The following NEK7 variants were observed in gnomAD, a reference collection of about 807,000 sequenced individuals.
The protein encoded by NEK7 is NIMA related kinase 7.
A neutral mutation model predicts 44.6 loss-of-function variants in NEK7; 18 were observed. The ratio of observed to expected loss-of-function variants is 0.40; its 90% CI spans 0.28 to 0.60. The LOEUF (loss-of-function observed/expected upper bound fraction) is 0.60, where lower values mean the gene tolerates loss of function less well. Among genes scored for constraint, NEK7 ranks in the 20% least tolerant of loss-of-function variants. NEK7 has a pLI of 0.38. For missense variants in NEK7, 256 were observed against 366.5 expected (o/e 0.70, Z 2.46); for synonymous variants, 130 against 121.1 (o/e 1.07, Z -0.48).
At chr1:198,167,433 G>A (rs1020738826) in intron 1 of NEK7, among the ~76,000 whole-genome samples, 8 of 152,118 alleles carry the variant, frequency 5.3e-5, no homozygotes, top group African/African-American at 1.4e-4. Flanking sequence ...CATCTTATAT[G>A]ATATGCACTC....
At chr1:198,223,906 T>A (rs1666140392) in intron 1 of NEK7, among the ~76,000 whole-genome samples, 1 of 152,136 alleles carries the variant, frequency 6.6e-6, no homozygotes, top group Non-Finnish European at 1.5e-5. Flanking sequence ...AGATGACCAA[T>A]GTAAAAATCT....
At chr1:198,264,267 GT>G in intron 5 of NEK7, 32 bp downstream of exon 5, 1 of 1,490,488 alleles carries the variant, frequency 6.7e-7, no homozygotes. Context: ...TTAATGTTTT[GT>G]TTTGTTTTTT....
In NEK7 at chr1:198,292,952, G is replaced by A. The variant is rs201676070; in HGVS notation, c.597G>A (p.Thr199=). 72 of 1,563,004 alleles carry A rather than the reference G, an allele frequency of 4.6e-5. No individual in the cohort carries two copies. In the East Asian group the frequency reaches 1.1e-3, roughly 25 times the overall value. ...TGGTTTGTTTTTTTGCAGTTGGTACGCCTTATTACATGTCTCCAGAGAGAA... is the reference window on the plus strand; with the variant it reads ...TGGTTTGTTTTTTTGCAGTTGGTACACCTTATTACATGTCTCCAGAGAGAA... The part of the protein sequence containing the change: ...KTTAAHSLVG[T]PYYMSPERIH... The change falls in exon 8 of 10, where the codon ACG becomes ACA. Residue 199 remains threonine (T), a synonymous_variant. Transcript: ENST00000367385.
chr1:198,287,223 T>C (rs544675137), intron 7 of NEK7, among the ~76,000 whole-genome samples: 1 of 152,262 alleles, frequency 6.6e-6, no homozygotes, highest in African/African-American at 2.4e-5. Context: ...GGCTCACACC[T>C]GTAATCCCGG....
At chr1:198,275,383 A>G (rs946105025) in intron 5 of NEK7, among the ~76,000 whole-genome samples, 60 of 151,492 alleles carry the variant, frequency 4.0e-4, no homozygotes, top group Admixed American at 1.3e-3. Context: ...TTTCTTATAA[A>G]TATTTATATT....
chr1:198,212,952 T>C (rs1665818277), intron 1 of NEK7, among the ~76,000 whole-genome samples: 1 of 152,250 alleles, frequency 6.6e-6, no homozygotes, highest in Admixed American at 6.5e-5. Flanking sequence ...ACTTGCCCAA[T>C]ACCTTACTGT....
At chr1:198,313,644 A>G (rs1399217214) in intron 9 of NEK7, among the ~76,000 whole-genome samples, 3 of 136,754 alleles carry the variant, frequency 2.2e-5, no homozygotes, top group Non-Finnish European at 3.0e-5. Flanking sequence ...GGTGGTGACA[A>G]AATCTCTCAG....
At chr1:198,291,663 T>C (rs993645116) in intron 7 of NEK7, among the ~76,000 whole-genome samples, 3 of 152,126 alleles carry the variant, frequency 2.0e-5, no homozygotes, top group African/African-American at 7.2e-5. Flanking sequence ...CGTTTCTTCA[T>C]CACTTTCATA....
At chr1:198,284,890 A>C (rs560125165) in intron 7 of NEK7, among the ~76,000 whole-genome samples, 2 of 152,252 alleles carry the variant, frequency 1.3e-5, no homozygotes, top group Admixed American at 6.5e-5. Context: ...CAATAACAGT[A>C]ATGGCAATGA....
chr1:198,252,582 TAC>T (rs1158478420), intron 2 of NEK7, among the ~76,000 whole-genome samples: 1 of 128,170 alleles, frequency 7.8e-6, no homozygotes, highest in Non-Finnish European at 1.6e-5. Flanking sequence ...AGTACATATA[TAC>T]ACATATATAT....
intron 5 of NEK7, among the ~76,000 whole-genome samples, chr1:198,272,002 G>T (rs1054366381): frequency 6.7e-6 from 1 of 149,216 alleles, no homozygotes; most frequent in Non-Finnish European, 1.5e-5. Context: ...GTCTATATCT[G>T]TATAAATTTA....
chr1:198,204,697 G>A (rs754154963), intron 1 of NEK7, among the ~76,000 whole-genome samples: 37 of 145,674 alleles, frequency 2.5e-4, no homozygotes, highest in Non-Finnish European at 4.3e-4. Flanking sequence ...TCCAGCCTGG[G>A]CGACAGCGAG....
At chr1:198,182,434 C>T (rs1380322850) in intron 1 of NEK7, among the ~76,000 whole-genome samples, 5 of 151,748 alleles carry the variant, frequency 3.3e-5, no homozygotes, top group African/African-American at 7.3e-5. Context: ...TATGTGTGTG[C>T]GCATGTGAGA....
intron 2 of NEK7, among the ~76,000 whole-genome samples, chr1:198,240,499 CAA>C (rs11415702): frequency 6.8e-4 from 84 of 123,354 alleles, no homozygotes; most frequent in Middle Eastern, 4.6e-3. Flanking sequence ...GACTCCGTCT[CAA>C]AAAAAAAAAA....
At chr1:198,294,413 T>C (rs1423679495) in intron 8 of NEK7, among the ~76,000 whole-genome samples, 1 of 152,082 alleles carries the variant, frequency 6.6e-6, no homozygotes, top group Non-Finnish European at 1.5e-5. Flanking sequence ...TTTAAAATAT[T>C]TTATATTTGT....
At chr1:198,308,754 A>G (rs557830269) in intron 9 of NEK7, among the ~76,000 whole-genome samples, 2 of 152,282 alleles carry the variant, frequency 1.3e-5, no homozygotes, top group East Asian at 3.9e-4. Flanking sequence ...CTCCTCAGTC[A>G]TGCATAAGTA....
At position 198,320,529 on chromosome 1, in the gene NEK7, C is replaced by T. The variant is rs1558110906; in HGVS notation, c.*1007C>T. 1.3e-5 allele frequency: 2 copies of T among 151,938 alleles called. No individual in the cohort carries two copies. Among genetic ancestry groups the T allele is most frequent in the Non-Finnish European group, 2.9e-5 (2 of 67,952 alleles). The allele number at this position is 151,938 out of a possible 1,614,324, so 9.4% of individuals were successfully genotyped here. On this transcript the variant is annotated 3_prime_UTR_variant, in exon 10 of 10. Transcript: ENST00000367385. ...TATTTATATTGTATGTGCATTTTATCCATTAATGTTTCATACTTTCTGAGA... is the reference window on the plus strand; with the variant it reads ...TATTTATATTGTATGTGCATTTTATTCATTAATGTTTCATACTTTCTGAGA...
At chr1:198,180,791 T>C (rs1476140651) in intron 1 of NEK7, among the ~76,000 whole-genome samples, 1 of 152,130 alleles carries the variant, frequency 6.6e-6, no homozygotes, top group Non-Finnish European at 1.5e-5. Context: ...AAATAAATTA[T>C]GTTCATATAG....
At chr1:198,188,858 C>T (rs1019284469) in intron 1 of NEK7, among the ~76,000 whole-genome samples, 2 of 152,020 alleles carry the variant, frequency 1.3e-5, no homozygotes, top group Non-Finnish European at 2.9e-5. Flanking sequence ...TTGATCATCT[C>T]CATTTTGCAG....
Sources: gnomAD v4.1 joint callset for allele counts (sites outside exome capture counted in the v4.1 genomes callset) on GRCh38, gnomAD v4.1.1 for gene constraint, MANE v1.5 for transcripts, NCBI Gene and HGNC (gene_info 2026-07-23, HGNC 2026-07-21) for gene names.